Variants in MTIF2 observed in about 807,000 individuals in gnomAD.
MTIF2 encodes the protein translation initiation factor IF-2, mitochondrial.
A neutral mutation model predicts 83.5 loss-of-function variants in MTIF2; 71 were observed. The ratio of observed to expected loss-of-function variants is 0.85; its 90% CI spans 0.70 to 1.04. The LOEUF (loss-of-function observed/expected upper bound fraction) is 1.04. Among genes scored for constraint, MTIF2 ranks in the 50% least tolerant of loss-of-function variants. The pLI is 0.00. For synonymous variants in MTIF2, 319 were observed against 287.1 expected (o/e 1.11, Z -1.12); for missense variants, 957 against 846.5 (o/e 1.13, Z -1.62).
intron 2 of MTIF2, among the ~76,000 whole-genome samples, chr2:55,268,050 C>T (rs979467334): frequency 3.3e-5 from 5 of 151,972 alleles, no homozygotes; most frequent in East Asian, 1.9e-4. Flanking sequence ...GTCAGGAGTT[C>T]GAGACCAGCC....
intron 5 of MTIF2, among the ~76,000 whole-genome samples, chr2:55,258,641 G>A (rs542912138): frequency 5.9e-5 from 9 of 152,040 alleles, no homozygotes; most frequent in East Asian, 5.8e-4. Context: ...CTGAAACCTC[G>A]TCTCTAATAA....
intron 5 of MTIF2, among the ~76,000 whole-genome samples, chr2:55,258,801 G>T (rs960303801): frequency 3.0e-5 from 4 of 134,388 alleles, no homozygotes; most frequent in African/African-American, 1.1e-4. Context: ...GACAGAGCAA[G>T]CCTCTGTCTC....
chr2:55,243,878 A>G, intron 11 of MTIF2, 151 bp downstream of exon 11: 1 of 898,176 alleles, frequency 1.1e-6, no homozygotes, highest in Non-Finnish European at 1.6e-6. Flanking sequence ...AAAATTCTAT[A>G]GTCTAATGCT....
At chr2:55,240,561 T>A (rs1339465873) in intron 13 of MTIF2, among the ~76,000 whole-genome samples, 1 of 152,004 alleles carries the variant, frequency 6.6e-6, no homozygotes, top group African/African-American at 2.4e-5. Flanking sequence ...CCTGGGCAAA[T>A]AGAGCAAAAC....
At chr2:55,266,336 C>G (rs1048387828) in intron 3 of MTIF2, 2 of 151,838 alleles carry the variant, frequency 1.3e-5, no homozygotes, top group Non-Finnish European at 2.9e-5. Flanking sequence ...CCAGCCTGAC[C>G]GACATGGTGA....
At chr2:55,251,288 T>C (rs566474174) in intron 8 of MTIF2, among the ~76,000 whole-genome samples, 29 of 152,254 alleles carry the variant, frequency 1.9e-4, no homozygotes, top group South Asian at 4.1e-4. Context: ...TTTGCATGTA[T>C]TCCCTAGAAT....
In MTIF2 at chr2:55,237,469, AT is replaced by A. The variant is rs777005434; in HGVS notation, c.1871-42del. The A allele has an allele frequency of 2.0e-6, 3 of 1,535,456 alleles. No homozygotes were observed. In the African/African-American group the frequency reaches 4.2e-5, roughly 22 times the overall value. ...AACATTAATGTGCAGAAAACTAAAG[AT>A]TCTGATAAATACGTAATTTCTGACA... is the stretch of plus-strand genomic sequence containing the variant. On this transcript the variant is annotated intron_variant, in intron 14 of 15. Coordinates refer to ENST00000263629, the MANE Select transcript of MTIF2 (RefSeq NM_002453.3).
In MTIF2 at chr2:55,263,755, T is replaced by G; in HGVS notation, c.104A>C (p.His35Pro). The stretch of plus-strand genomic sequence containing the variant: ...CACAGGGTAAGCAGATGAAAACCCA[T>G]GCCTCCACTGTCTTAATGCTCTTCT... ...CQRRALRQWR[H>P]GFSSAYPVWT... The change falls in exon 4 of 16, where the codon CAT (histidine) becomes CCT (proline). Residue 35 changes from histidine (H) to proline (P), a missense_variant. By Grantham distance (77) the His-to-Pro change is moderately conservative (BLOSUM62 -2). Around this residue, in one of 3 missense-constraint regions of MTIF2, gnomAD observed 733 missense variants for 648.7 expected, o/e 1.13. Transcript: ENST00000263629. 6.2e-7 allele frequency: 1 copy of G among 1,614,172 alleles called. No individual in the cohort carries two copies. Among genetic ancestry groups the G allele is most frequent in the East Asian group, 2.2e-5 (1 of 44,890 alleles).
chr2:55,255,836 A>G (rs1677474549), intron 5 of MTIF2, among the ~76,000 whole-genome samples: 1 of 152,062 alleles, frequency 6.6e-6, no homozygotes, highest in South Asian at 2.1e-4. Context: ...ACTGTTCTGC[A>G]CATGTCCAAT....
intron 5 of MTIF2, among the ~76,000 whole-genome samples, chr2:55,255,189 TATAC>T (rs1202284924): frequency 6.6e-6 from 1 of 151,448 alleles, no homozygotes; most frequent in African/African-American, 2.4e-5. Context: ...TGTGTGTGTA[TATAC>T]AATCAATTGC....
chr2:55,257,524 A>G (rs968765945), intron 5 of MTIF2, among the ~76,000 whole-genome samples: 8 of 152,148 alleles, frequency 5.3e-5, no homozygotes, highest in Non-Finnish European at 8.8e-5. Context: ...TAAGCAGAAC[A>G]TTAAACTAAA....
chr2:55,251,888 A>C (rs2104387234), intron 8 of MTIF2, among the ~76,000 whole-genome samples: 1 of 152,326 alleles, frequency 6.6e-6, no homozygotes, highest in South Asian at 2.1e-4. Context: ...GGCCTCCCAA[A>C]GTGCTGGGAT....
Position 55,264,663 on chromosome 2 carries a change from G to A in MTIF2, c.-7-798C>T, listed in dbSNP as rs1176490576. 2.0e-5 allele frequency among the ~76,000 whole-genome samples: 3 copies of A among 152,008 alleles called. 1 individual carries two copies. Among genetic ancestry groups the A allele is most frequent in the South Asian group, 4.2e-4 (2 of 4,814 alleles). ...ACTTTGCACACACTTCCTCTAGTTG[G>A]AATCGTCTTTGAACTCTTAACACTT... On this transcript the variant is annotated intron_variant, in intron 3 of 15. Coordinates refer to ENST00000263629, the MANE Select transcript of MTIF2 (RefSeq NM_002453.3).
chr2:55,243,054 T>C lies in MTIF2; in HGVS notation c.1591A>G (p.Ile531Val), dbSNP rs1165371897. The C allele has an allele frequency of 6.2e-7, 1 of 1,609,708 alleles. No individual in the cohort carries two copies. Among genetic ancestry groups the C allele is most frequent in the African/African-American group, 1.3e-5 (1 of 74,846 alleles). The change falls in exon 13 of 16, where the codon ATT (isoleucine) becomes GTT (valine). Residue 531 changes from isoleucine (I) to valine (V), a missense_variant. Coordinates refer to ENST00000263629, the MANE Select transcript of MTIF2 (RefSeq NM_002453.3). The stretch of plus-strand genomic sequence containing the variant: ...TCATAGGTATCTATAATGTTCAAAA[T>C]GGCCTCAACAGAACCATCAACATCA... ...KGDVDGSVEA[I>V]LNIIDTYDAS...
At chr2:55,241,975 T>G (rs1676349517) in intron 13 of MTIF2, among the ~76,000 whole-genome samples, 1 of 151,612 alleles carries the variant, frequency 6.6e-6, no homozygotes, top group South Asian at 2.1e-4. Flanking sequence ...GGTGAAACCC[T>G]GTCTCTACTA....
intron 3 of MTIF2, among the ~76,000 whole-genome samples, 168 bp from the exon 4 acceptor site, chr2:55,264,033 G>T (rs1201819830): frequency 6.6e-6 from 1 of 152,148 alleles, no homozygotes; most frequent in Non-Finnish European, 1.5e-5. Flanking sequence ...CAAGAGATGG[G>T]ATTCCATAAC....
chr2:55,237,534 A>T (rs1000282780), intron 14 of MTIF2, 106 bp from the exon 15 acceptor site: 38 of 1,056,666 alleles, frequency 3.6e-5, no homozygotes, highest in Non-Finnish European at 4.5e-5. Context: ...CAAAAATCCA[A>T]ATTCATGCCT....
intron 3 of MTIF2, chr2:55,266,656 TA>T (rs1469186905): frequency 6.7e-6 from 1 of 149,420 alleles, no homozygotes; most frequent in Non-Finnish European, 1.5e-5. Flanking sequence ...AGATAGTCTT[TA>T]AAATTGTTCA....
chr2:55,253,957 AT>A, intron 7 of MTIF2, 83 bp downstream of exon 7: 1 of 1,419,094 alleles, frequency 7.0e-7, no homozygotes, highest in Non-Finnish European at 9.6e-7. Flanking sequence ...TGTACTTTGA[AT>A]TTGTATATTT....
Sources: allele counts gnomAD v4.1 joint callset (sites outside exome capture counted in the v4.1 genomes callset), GRCh38; gene constraint gnomAD v4.1.1; regional missense constraint gnomAD v4.1.1; transcripts MANE v1.5; gene names NCBI Gene and HGNC (gene_info 2026-07-23, HGNC 2026-07-21).